Variants in TTLL7 observed in about 807,000 individuals in gnomAD.
TTLL7 encodes tubulin tyrosine ligase like 7.
Under a neutral mutation model 120.2 loss-of-function variants are expected in TTLL7, and 53 were observed. The ratio of observed to expected loss-of-function variants is 0.44; its 90% CI spans 0.35 to 0.55. TTLL7 has a LOEUF of 0.55. Ranked by LOEUF, TTLL7 falls within the 20% of genes least tolerant of loss-of-function variation. The probability of loss-of-function intolerance (pLI) is 0.00; values close to 1 mark genes in which losing one functional copy is unlikely to be tolerated. For missense variants in TTLL7, 803 were observed against 1,054.7 expected (o/e 0.76, Z 3.31); for synonymous variants, 353 against 351.7 (o/e 1.00, Z -0.04).
At chr1:83,916,570 A>T (rs12184292) in intron 14 of TTLL7, among the ~76,000 whole-genome samples, 65,701 of 151,734 alleles carry the variant, frequency 0.43, 15,605 homozygotes, top group Non-Finnish European at 0.54. Flanking sequence ...CAGCACACCA[A>T]CATGGCACAT....
intron 15 of TTLL7, among the ~76,000 whole-genome samples, chr1:83,910,671 G>A (rs571322083): frequency 5.3e-5 from 8 of 152,026 alleles, no homozygotes; most frequent in Non-Finnish European, 1.2e-4. Flanking sequence ...GTACTCACCC[G>A]TGATGAAAAT....
intron 10 of TTLL7, among the ~76,000 whole-genome samples, chr1:83,923,379 G>C (rs138819344): frequency 0.01 from 1,543 of 150,218 alleles, 29 homozygotes; most frequent in African/African-American, 0.036. Context: ...AAAAATAGAG[G>C]AAGCAAAAAA....
chr1:83,882,791 A>G lies in TTLL7; in HGVS notation c.2543+172T>C, dbSNP rs566752126. 14 of 611,946 alleles carry G rather than the reference A, an allele frequency of 2.3e-5. No homozygotes were observed. The South Asian group carries it at 3.5e-4, about 15-fold the overall frequency. The allele number at this position is 611,946 out of a possible 1,614,324, so 37.9% of individuals were successfully genotyped here. A position where few individuals can be genotyped will look rare whatever the true frequency, so the allele number is the denominator to read the frequency against. ...GATTGCTGTCCTTGTTCAGTCCCTT[A>G]AAGGTAAATACTGTACTAATTAAAA... On this transcript the variant is annotated intron_variant, in intron 20 of 20. Transcript: ENST00000260505.
chr1:83,929,670 A>T (rs1168959063), intron 9 of TTLL7, among the ~76,000 whole-genome samples: 2 of 152,218 alleles, frequency 1.3e-5, no homozygotes, highest in African/African-American at 4.8e-5. Context: ...AAATATGGAA[A>T]CTATCAGTGC....
At chr1:83,915,198 G>A (rs888624565) in intron 14 of TTLL7, among the ~76,000 whole-genome samples, 4 of 151,834 alleles carry the variant, frequency 2.6e-5, no homozygotes, top group Admixed American at 6.6e-5. Flanking sequence ...ATGAAAATAC[G>A]ATAGAACAAA....
At position 83,892,541 on chromosome 1, in the gene TTLL7, A is replaced by T. The variant is rs188802779; in HGVS notation, c.2209-2060T>A. On this transcript the variant is annotated intron_variant, in intron 18 of 20. Coordinates refer to ENST00000260505, the MANE Select transcript of TTLL7 (RefSeq NM_024686.6). ...ATATGAACATATATATGAACATATG[A>T]ATGAACATATATATGAACATATGAA... Among the ~76,000 whole-genome samples, 307 of 75,092 alleles carry T rather than the reference A, an allele frequency of 4.1e-3. 15 individuals are homozygous for T. Among genetic ancestry groups the T allele is most frequent in the African/African-American group, 0.012 (279 of 23,718 alleles). 49.3% of individuals were successfully genotyped at this position (75,092 alleles called of 152,430 possible).
At position 83,949,913 on chromosome 1, in the gene TTLL7, A is replaced by G. The variant is rs779518315; in HGVS notation, c.231T>C (p.Cys77=). 1.2e-6 allele frequency: 2 copies of G among 1,613,594 alleles called. No individual in the cohort carries two copies. The highest frequency in any genetic ancestry group is 1.7e-6 in the Non-Finnish European group (2 of 1,179,904). ...TTTTCTCCTGCTGAACAGCAGAATC[A>G]CACCATATAAGATTACTTGTTTCAT... ...DEDETSNLIW[C]DSAVQQEKIS... The change falls in exon 4 of 21, where the codon TGT becomes TGC. Residue 77 remains cysteine, a synonymous_variant. Transcript: ENST00000260505.
intron 1 of TTLL7, chr1:83,979,443 G>A (rs1651774354): frequency 1.3e-5 from 2 of 152,184 alleles, no homozygotes; most frequent in Non-Finnish European, 2.9e-5. Flanking sequence ...TTCTAGAGTA[G>A]GGATTTTAGA....
rs927603637 is a variant in TTLL7 at position 83,939,360 on chromosome 1, T to A, written c.724-1344A>T. Among the ~76,000 whole-genome samples, 5 of 152,318 alleles carry A rather than the reference T, an allele frequency of 3.3e-5. No individual in the cohort carries two copies. The East Asian group carries it at 9.6e-4, about 29-fold the overall frequency. ...TTTGTAAGGAAGTCTTTACTTGGCA[T>A]GACTTTCTTAAAATTAATAACACTA... On this transcript the variant is annotated intron_variant, in intron 7 of 20. Transcript: ENST00000260505.
intron 1 of TTLL7, among the ~76,000 whole-genome samples, chr1:83,973,908 ACTT>A (rs1651222308): frequency 6.6e-6 from 1 of 151,876 alleles, no homozygotes; most frequent in Admixed American, 6.6e-5. Flanking sequence ...CATGAGGGAG[ACTT>A]CTGGGGTGCT....
rs776243577 is a variant in TTLL7 at position 83,906,329 on chromosome 1, A to T, written c.2127T>A (p.Asp709Glu). The T allele has an allele frequency of 1.2e-6, 2 of 1,611,556 alleles. No homozygotes were observed. Among genetic ancestry groups the T allele is most frequent in the Non-Finnish European group, 1.7e-6 (2 of 1,178,498 alleles). The change falls in exon 17 of 21, where the codon GAT (aspartate) becomes GAA (glutamate). Residue 709 changes from aspartate to glutamate, a missense_variant and splice_region_variant. Asp to Glu is a conservative substitution (Grantham distance 45, BLOSUM62 2). Coordinates refer to ENST00000260505, the MANE Select transcript of TTLL7 (RefSeq NM_024686.6). ...SDAESELLIE[D>E]IIDNWKYHKT... The stretch of plus-strand genomic sequence containing the variant: ...CATTTTAGATACATCACATACTCAC[A>T]TCTTCTATCAGAAGTTCTGATTCTG...
chr1:83,889,082 G>A (rs760562044), intron 19 of TTLL7, among the ~76,000 whole-genome samples: 1 of 152,078 alleles, frequency 6.6e-6, no homozygotes, highest in Non-Finnish European at 1.5e-5. Flanking sequence ...AAGGAAAGAG[G>A]TTTAATTGAC....
At position 83,921,341 on chromosome 1, in the gene TTLL7, C is replaced by T; in HGVS notation, c.1196G>A (p.Arg399Lys). 1 of 1,612,294 alleles carries T rather than the reference C, an allele frequency of 6.2e-7. No individual in the cohort carries two copies. Among genetic ancestry groups the T allele is most frequent in the Non-Finnish European group, 8.5e-7 (1 of 1,179,748 alleles). ...TTTAATTGAATTTTGACCATAGAGC[C>T]TCCTTTGAGCCTCAGCTTTTTGTTT... ...LAKQKAEAQR[R>K]LYGQNSIKRL... The change falls in exon 11 of 21, where the codon AGG becomes AAG. Residue 399 changes from arginine (R) to lysine (K), a missense_variant. Arg to Lys is a conservative substitution (Grantham distance 26). Around this residue, in one of 3 missense-constraint regions of TTLL7, gnomAD observed 324 missense variants for 507.7 expected, o/e 0.64. Transcript: ENST00000260505.
chr1:83,966,921 G>A (rs1190925946), intron 1 of TTLL7, among the ~76,000 whole-genome samples: 1 of 152,188 alleles, frequency 6.6e-6, no homozygotes, highest in East Asian at 1.9e-4. Context: ...AGAGAATGAT[G>A]TTGTGTGGAA....
rs765895176 is a variant in TTLL7, at chr1:83,890,385, G to A, written c.2305C>T (p.Arg769Trp). The change falls in exon 19 of 21, where the codon CGG (arginine) becomes TGG (tryptophan). Residue 769 changes from arginine to tryptophan, a missense_variant. By Grantham distance (101) the Arg-to-Trp change is moderately radical. Coordinates refer to ENST00000260505, the MANE Select transcript of TTLL7 (RefSeq NM_024686.6). ...CTCCAGAGTAAGCGATTAAAAACCC[G>A]GTTGAAAATCCGATATAAATTTACT... is the stretch of plus-strand genomic sequence containing the variant. The part of the protein sequence containing the change: ...EEVNLYRIFN[R>W]VFNRLLWSRG... The A allele has an allele frequency of 8.1e-6, 13 of 1,613,162 alleles. No individual in the cohort carries two copies. The highest frequency in any genetic ancestry group is 1.1e-5 in the Non-Finnish European group (13 of 1,179,566).
chr1:83,959,703 T>C (rs1649847109), intron 1 of TTLL7, among the ~76,000 whole-genome samples: 1 of 151,990 alleles, frequency 6.6e-6, no homozygotes, highest in Non-Finnish European at 1.5e-5. Context: ...AGATTAATAA[T>C]ACAACCTCTA....
At chr1:83,985,667 T>G (rs1194345110) in intron 1 of TTLL7, among the ~76,000 whole-genome samples, 1 of 151,916 alleles carries the variant, frequency 6.6e-6, no homozygotes, top group Non-Finnish European at 1.5e-5. Flanking sequence ...CTGGGCAACA[T>G]AGCAAGGCCT....
intron 18 of TTLL7, among the ~76,000 whole-genome samples, chr1:83,892,259 TATATATACGA>T (rs1206828197): frequency 6.0e-5 from 8 of 133,278 alleles, no homozygotes; most frequent in Admixed American, 2.5e-4. Flanking sequence ...TATATATGAA[TATATATACGA>T]ATATATATGA....
intron 20 of TTLL7, among the ~76,000 whole-genome samples, chr1:83,872,578 T>C (rs1653534072): frequency 6.6e-6 from 1 of 152,246 alleles, no homozygotes; most frequent in Non-Finnish European, 1.5e-5. Context: ...AATTACACAG[T>C]AAACAGTAAC....
Sources: gnomAD v4.1 joint callset for allele counts (sites outside exome capture counted in the v4.1 genomes callset) on GRCh38, gnomAD v4.1.1 for gene constraint, gnomAD v4.1.1 regional missense constraint, MANE v1.5 for transcripts, NCBI Gene and HGNC (gene_info 2026-07-23, HGNC 2026-07-21) for gene names.